TRPM3: variants seen among roughly 807,000 people sequenced by gnomAD.
The protein encoded by TRPM3 is long transient receptor potential channel 3.
Under a neutral mutation model 181.2 loss-of-function variants are expected in TRPM3, and 77 were observed. The observed-to-expected ratio is 0.42, with a 90% CI of 0.35 to 0.51. TRPM3 has a LOEUF of 0.51. TRPM3 is among the 20% of genes least tolerant of loss of function. The probability of loss-of-function intolerance (pLI) is 0.01; values close to 1 mark genes in which losing one functional copy is unlikely to be tolerated. For missense variants in TRPM3, 1,759 were observed against 2,196.7 expected (o/e 0.80, Z 3.98); for synonymous variants, 745 against 796.4 (o/e 0.94, Z 1.09).
At chr9:71,420,586 GA>G (rs998808145) in intron 1 of TRPM3, among the ~76,000 whole-genome samples, 2 of 124,390 alleles carry the variant, frequency 1.6e-5, no homozygotes, top group Non-Finnish European at 3.5e-5. Context: ...GAAAGAGAAA[GA>G]AAAAGAGAAA....
intron 7 of TRPM3, among the ~76,000 whole-genome samples, chr9:70,780,673 G>A (rs2082261203): frequency 6.6e-6 from 1 of 151,984 alleles, no homozygotes; most frequent in African/African-American, 2.4e-5. Flanking sequence ...AAGTTATTCA[G>A]GTGGCACAGA....
chr9:71,195,525 C>T (rs2078295138), intron 1 of TRPM3, among the ~76,000 whole-genome samples: 1 of 151,980 alleles, frequency 6.6e-6, no homozygotes, highest in Non-Finnish European at 1.5e-5. Context: ...TAAATTAGTT[C>T]AATCATTGTG....
intron 7 of TRPM3, among the ~76,000 whole-genome samples, chr9:70,781,897 A>G (rs1275495484): frequency 2.0e-5 from 3 of 152,134 alleles, no homozygotes; most frequent in Admixed American, 6.5e-5. Context: ...ATCATGATAA[A>G]TAATAGGCAC....
chr9:70,918,492 C>A (rs1413257731), intron 1 of TRPM3, among the ~76,000 whole-genome samples: 1 of 152,030 alleles, frequency 6.6e-6, no homozygotes, highest in Non-Finnish European at 1.5e-5. Flanking sequence ...TATACAAATA[C>A]ATGGAAATTA....
At chr9:71,420,819 G>A (rs1413009576) in intron 1 of TRPM3, among the ~76,000 whole-genome samples, 1 of 176 alleles carries the variant, frequency 5.7e-3, no homozygotes, top group Admixed American at 0.042. Flanking sequence ...AAGAAAGAGA[G>A]AAAGAGAGGG....
intron 6 of TRPM3, among the ~76,000 whole-genome samples, chr9:70,817,477 C>T (rs898119269): frequency 2.0e-5 from 3 of 152,160 alleles, no homozygotes; most frequent in African/African-American, 7.2e-5. Flanking sequence ...AAATTCCTGT[C>T]TCATTGAAGC....
At chr9:70,842,380 T>G (rs893107391) in intron 5 of TRPM3, among the ~76,000 whole-genome samples, 1 of 151,048 alleles carries the variant, frequency 6.6e-6, no homozygotes, top group East Asian at 1.9e-4. Flanking sequence ...ATTCAAAGTA[T>G]TTTGCATTGC....
At chr9:70,646,424 A>T (rs537897848) in intron 9 of TRPM3, among the ~76,000 whole-genome samples, 1 of 152,212 alleles carries the variant, frequency 6.6e-6, no homozygotes, top group Non-Finnish European at 1.5e-5. Context: ...TTGCAGGGAC[A>T]TGGATGAATC....
chr9:71,037,405 T>G (rs1482428278), intron 1 of TRPM3, among the ~76,000 whole-genome samples: 1 of 151,304 alleles, frequency 6.6e-6, no homozygotes, highest in East Asian at 1.9e-4. Flanking sequence ...CTGGGTTACA[T>G]CCAAGAGTTT....
At chr9:71,028,554 A>G (rs1003210047) in intron 1 of TRPM3, among the ~76,000 whole-genome samples, 4 of 152,038 alleles carry the variant, frequency 2.6e-5, no homozygotes, top group Non-Finnish European at 5.9e-5. Context: ...GTGATATGCT[A>G]TCTTCAAGAG....
chr9:70,950,339 T>C lies in TRPM3; in HGVS notation c.178-85828A>G, dbSNP rs181905829. ...ATAAAGAGCTGTCAAAAGCTCATGA[T>C]GGTATTATTTTTCAAGTGGCCATAA... On this transcript the variant is annotated intron_variant, in intron 1 of 25. Transcript: ENST00000677713. 4.0e-3 allele frequency among the ~76,000 whole-genome samples: 614 copies of C among 152,272 alleles called. 13 individuals carry two copies. Among genetic ancestry groups the C allele is most frequent in the Non-Finnish European group, 3.7e-3 (255 of 68,010 alleles).
chr9:71,291,807 A>T (rs1328809046), intron 1 of TRPM3, among the ~76,000 whole-genome samples: 1 of 152,142 alleles, frequency 6.6e-6, no homozygotes, highest in Non-Finnish European at 1.5e-5. Flanking sequence ...GACTTGAGTA[A>T]CAGAATCAGA....
At chr9:71,204,421 T>C (rs2078999604) in intron 1 of TRPM3, among the ~76,000 whole-genome samples, 1 of 152,208 alleles carries the variant, frequency 6.6e-6, no homozygotes, top group South Asian at 2.1e-4. Flanking sequence ...CAGCCACTTC[T>C]CAAAAGAAGA....
At chr9:70,576,008 A>T (rs1459875830) in intron 22 of TRPM3, among the ~76,000 whole-genome samples, 2 of 151,992 alleles carry the variant, frequency 1.3e-5, no homozygotes, top group Non-Finnish European at 2.9e-5. Context: ...CCTCTTTCCA[A>T]CTTGTAATTT....
intron 3 of TRPM3, among the ~76,000 whole-genome samples, chr9:70,848,476 A>G (rs1171121081): frequency 7.9e-5 from 12 of 152,196 alleles, no homozygotes; most frequent in Non-Finnish European, 1.3e-4. Flanking sequence ...CAATTCTAAC[A>G]TGCAGAAAGT....
chr9:71,293,562 T>C (rs2086003478), intron 1 of TRPM3, among the ~76,000 whole-genome samples: 1 of 151,464 alleles, frequency 6.6e-6, no homozygotes, highest in African/African-American at 2.4e-5. Context: ...ATTGAAAGAC[T>C]CTAAGAGAGA....
chr9:70,665,338 G>A (rs2061699100), intron 9 of TRPM3, among the ~76,000 whole-genome samples: 1 of 152,104 alleles, frequency 6.6e-6, no homozygotes, highest in Non-Finnish European at 1.5e-5. Context: ...ACCTCACAAA[G>A]TCAGATAATT....
intron 1 of TRPM3, among the ~76,000 whole-genome samples, chr9:71,193,306 C>A (rs1176038755): frequency 1.3e-5 from 2 of 151,750 alleles, no homozygotes; most frequent in African/African-American, 4.8e-5. Flanking sequence ...CTGTAAATAT[C>A]TGAAAAAGTC....
At chr9:71,008,629 G>A (rs1456703864) in intron 1 of TRPM3, among the ~76,000 whole-genome samples, 3 of 152,158 alleles carry the variant, frequency 2.0e-5, no homozygotes, top group East Asian at 3.9e-4. Flanking sequence ...GATCACTTGA[G>A]CTCAGGAGTT....
Sources: gnomAD v4.1 joint callset for allele counts (sites outside exome capture counted in the v4.1 genomes callset) on GRCh38, gnomAD v4.1.1 for gene constraint, MANE v1.5 for transcripts, NCBI Gene and HGNC (gene_info 2026-07-23, HGNC 2026-07-21) for gene names.